Variants in ATP6V0A2 observed in about 807,000 individuals in gnomAD.
ATP6V0A2 encodes the protein ATPase H+ transporting V0 subunit a2.
ATP6V0A2 carries 58 observed loss-of-function variants against 104.4 expected under a neutral mutation model. The ratio of observed to expected loss-of-function variants is 0.56; its 90% CI spans 0.45 to 0.69. The LOEUF is 0.69. Among genes scored for constraint, ATP6V0A2 ranks in the 30% least tolerant of loss-of-function variants. ATP6V0A2 has a pLI of 0.00. For synonymous variants in ATP6V0A2, 376 were observed against 397.9 expected (o/e 0.95, Z 0.65); for missense variants, 938 against 1,062.9 (o/e 0.88, Z 1.63).
intron 17 of ATP6V0A2, 136 bp from the exon 18 acceptor site, chr12:123,754,284 T>G: frequency 1.4e-6 from 1 of 730,616 alleles, no homozygotes; most frequent in Non-Finnish European, 2.5e-6. Flanking sequence ...TTTCTGTTCC[T>G]CACACTCTAG....
chr12:123,732,094 C>G (rs1956506807), intron 6 of ATP6V0A2: 1 of 152,318 alleles, frequency 6.6e-6, no homozygotes. Flanking sequence ...TTGCCTAAAA[C>G]TGAACATCTG....
intron 6 of ATP6V0A2, chr12:123,733,593 A>G (rs982567528): frequency 1.4e-5 from 5 of 345,386 alleles, no homozygotes; most frequent in South Asian, 1.4e-4. Context: ...TGTGAAAAAC[A>G]TGATACCAAA....
Position 123,735,609 on chromosome 12 carries a change from C to G in ATP6V0A2, c.810C>G (p.Ile270Met), listed in dbSNP as rs1206772965. 2 of 1,613,866 alleles carry G rather than the reference C, an allele frequency of 1.2e-6. No individual in the cohort carries two copies. Among genetic ancestry groups the G allele is most frequent in the Non-Finnish European group, 1.7e-6 (2 of 1,179,794 alleles). The part of the protein sequence containing the change: ...REIQEGLNTR[I>M]QDLYTVLHKT... ...TCCAGGAGGGGCTGAACACCCGCATCCAGGATCTCTACACTGTGAGTAAGC... is the reference window on the plus strand; with the variant it reads ...TCCAGGAGGGGCTGAACACCCGCATGCAGGATCTCTACACTGTGAGTAAGC... Residue 270 changes from isoleucine to methionine, a missense_variant, in exon 8 of 20, where the codon ATC (isoleucine) becomes ATG (methionine). Physicochemically the swap from Ile to Met is conservative, Grantham distance 10. Transcript: ENST00000330342.
intron 18 of ATP6V0A2, chr12:123,754,779 C>A: frequency 3.9e-6 from 2 of 518,934 alleles, no homozygotes; most frequent in South Asian, 2.6e-5. Context: ...AGAGCCTGCC[C>A]AATTTAAAAA....
rs143339368 is a variant in ATP6V0A2 at position 123,722,679 on chromosome 12, T to A, written c.294+231T>A. On this transcript the variant is annotated intron_variant, in intron 3 of 19. Coordinates refer to ENST00000330342, the MANE Select transcript of ATP6V0A2 (RefSeq NM_012463.4). The stretch of plus-strand genomic sequence containing the variant: ...TTCTTTTACAGTGTAAGGCATATGC[T>A]TCCTTTCCAGGTGGTGGTGAACAGA... 1.3e-4 allele frequency among the ~76,000 whole-genome samples: 20 copies of A among 152,296 alleles called. No homozygotes were observed. In the East Asian group the frequency reaches 3.7e-3, roughly 28 times the overall value.
At chr12:123,727,506 T>A (rs1383999616) in intron 5 of ATP6V0A2, among the ~76,000 whole-genome samples, 1 of 152,122 alleles carries the variant, frequency 6.6e-6, no homozygotes, top group Non-Finnish European at 1.5e-5. Flanking sequence ...TTTGAACTCC[T>A]GACCTTGTGA....
chr12:123,739,182 T>A (rs1337598589), intron 9 of ATP6V0A2, among the ~76,000 whole-genome samples: 2 of 152,186 alleles, frequency 1.3e-5, no homozygotes, highest in Admixed American at 6.5e-5. Flanking sequence ...CGTATTAAGG[T>A]CTCAGTGACC....
intron 16 of ATP6V0A2, among the ~76,000 whole-genome samples, chr12:123,752,033 A>G (rs1327431039): frequency 2.0e-5 from 3 of 151,508 alleles, no homozygotes; most frequent in Non-Finnish European, 4.4e-5. Flanking sequence ...TAATTTTTGT[A>G]TTTTTTGTAA....
intron 8 of ATP6V0A2, 148 bp downstream of exon 8, chr12:123,735,772 T>C: frequency 1.3e-6 from 1 of 759,926 alleles, no homozygotes; most frequent in Non-Finnish European, 2.3e-6. Flanking sequence ...CCCTCCCTCC[T>C]CCCCATGGAA....
Position 123,758,034 on chromosome 12 carries a change from C to G in ATP6V0A2, c.*2C>G. 1 of 1,582,204 alleles carries G rather than the reference C, an allele frequency of 6.3e-7. No homozygotes were observed. Among genetic ancestry groups the G allele is most frequent in the Non-Finnish European group, 8.7e-7 (1 of 1,151,244 alleles). Reference sequence around the variant, plus strand: ...AATAACGACGACAGTGTGGCATGATCATATTGCTGTAACCAACAAGCTTTC... The same window carrying G: ...AATAACGACGACAGTGTGGCATGATGATATTGCTGTAACCAACAAGCTTTC... On this transcript the variant is annotated 3_prime_UTR_variant, in exon 20 of 20. Coordinates refer to ENST00000330342, the MANE Select transcript of ATP6V0A2 (RefSeq NM_012463.4).
rs1475232543 is a variant in ATP6V0A2, at chr12:123,761,219, TTA to T, written c.*3188_*3189del. ...ACCGCGCCTGGCCCTCTGCAGTTGT[TTA>T]ATAAGGCACAGAATACCTGTAGCAT... On this transcript the variant is annotated 3_prime_UTR_variant, in exon 20 of 20. Coordinates refer to ENST00000330342, the MANE Select transcript of ATP6V0A2 (RefSeq NM_012463.4). 2.6e-5 allele frequency: 4 copies of T among 152,220 alleles called. No homozygotes were observed. The highest frequency in any genetic ancestry group is 9.6e-5 in the African/African-American group (4 of 41,452). 9.4% of individuals were successfully genotyped at this position (152,220 alleles called of 1,614,324 possible).
At chr12:123,732,746 A>C (rs1956514396) in intron 6 of ATP6V0A2, 1 of 149,298 alleles carries the variant, frequency 6.7e-6, no homozygotes. Context: ...ACAGTGCCCA[A>C]GCCCACCCTC....
intron 6 of ATP6V0A2, among the ~76,000 whole-genome samples, chr12:123,728,324 C>T (rs889291094): frequency 8.6e-5 from 13 of 151,100 alleles, no homozygotes; most frequent in African/African-American, 2.9e-4. Flanking sequence ...TGGCCTCAAG[C>T]AATCCTCCCA....
chr12:123,712,753 C>A, intron 1 of ATP6V0A2, 71 bp downstream of exon 1: 2 of 1,333,872 alleles, frequency 1.5e-6, no homozygotes, highest in Admixed American at 1.8e-5. Flanking sequence ...ATCGCTGGGG[C>A]CCTCCCGCGG....
In ATP6V0A2 at chr12:123,722,430, A is replaced by G. The variant is rs1475156899; in HGVS notation, c.276A>G (p.Lys92=). 4 of 1,609,896 alleles carry G rather than the reference A, an allele frequency of 2.5e-6. No individual in the cohort carries two copies. Among genetic ancestry groups the G allele is most frequent in the Non-Finnish European group, 3.4e-6 (4 of 1,176,262 alleles). ...CCAGCCCTCCTGCGCCACCCCTGAAACAGGTTCTAGAAATGCAGGTAACTT... is the reference window on the plus strand; with the variant it reads ...CCAGCCCTCCTGCGCCACCCCTGAAGCAGGTTCTAGAAATGCAGGTAACTT... The part of the protein sequence containing the change: ...GEASPPAPPL[K]QVLEMQEQLQ... The change falls in exon 3 of 20, where the codon AAA becomes AAG. Residue 92 remains lysine, a synonymous_variant. Transcript: ENST00000330342.
chr12:123,751,865 T>C (rs901873566), intron 16 of ATP6V0A2, among the ~76,000 whole-genome samples: 1 of 146,416 alleles, frequency 6.8e-6, no homozygotes, highest in Non-Finnish European at 1.5e-5. Context: ...TTTCTTTCTT[T>C]TTTTTTTTTT....
chr12:123,736,185 C>CTT (rs75644082), intron 8 of ATP6V0A2, among the ~76,000 whole-genome samples: 144 of 81,854 alleles, frequency 1.8e-3, no homozygotes, highest in African/African-American at 2.7e-3. Context: ...GATTGTGATT[C>CTT]TTTTTTTTTT....
rs769120800 is a variant in ATP6V0A2 at position 123,737,209 on chromosome 12, G to T, written c.976G>T (p.Ala326Ser). Reference sequence around the variant, plus strand: ...TGACGTGACCAACAAGTGCCTCATTGCTGAGGTCTGGTGTCCCGAGGCGGA... The same window carrying T: ...TGACGTGACCAACAAGTGCCTCATTTCTGAGGTCTGGTGTCCCGAGGCGGA... Reference protein sequence around the residue: ...SFDVTNKCLIAEVWCPEADLQ... With the variant: ...SFDVTNKCLISEVWCPEADLQ... Residue 326 changes from alanine to serine, a missense_variant, in exon 9 of 20, where the codon GCT (alanine) becomes TCT (serine). Physicochemically the swap from Ala to Ser is moderately conservative, Grantham distance 99. Transcript: ENST00000330342. 1.9e-6 allele frequency: 3 copies of T among 1,614,196 alleles called. No homozygotes were observed. Among genetic ancestry groups the T allele is most frequent in the Non-Finnish European group, 8.5e-7 (1 of 1,180,044 alleles).
chr12:123,742,145 C>T (rs1956615728), intron 9 of ATP6V0A2, among the ~76,000 whole-genome samples: 1 of 152,262 alleles, frequency 6.6e-6, no homozygotes, highest in South Asian at 2.1e-4. Context: ...CCCCTGCAGA[C>T]TTCACTGCCC....
Sources: gnomAD v4.1 joint callset for allele counts (sites outside exome capture counted in the v4.1 genomes callset) on GRCh38, gnomAD v4.1.1 for gene constraint, MANE v1.5 for transcripts, NCBI Gene and HGNC (gene_info 2026-07-23, HGNC 2026-07-21) for gene names.